Variants in RND3 observed in about 807,000 individuals in gnomAD.
RND3 encodes the protein Rho family GTPase 3.
RND3 carries 8 observed loss-of-function variants against 26.5 expected under a neutral mutation model. The observed-to-expected ratio is 0.30, with a 90% CI of 0.18 to 0.54. RND3 has a LOEUF of 0.54. RND3 is among the 20% of genes least tolerant of loss of function. RND3 has a pLI of 0.94. For synonymous variants in RND3, 113 were observed against 113.0 expected (o/e 1.00, Z 0.00); for missense variants, 207 against 302.8 (o/e 0.68, Z 2.35).
chr2:150,483,054 G>T (rs1686302991), intron 3 of RND3, among the ~76,000 whole-genome samples: 1 of 152,152 alleles, frequency 6.6e-6, no homozygotes, highest in Admixed American at 6.5e-5. Context: ...ATGGAGAAAG[G>T]GAGAAAGGAA....
intron 3 of RND3, among the ~76,000 whole-genome samples, chr2:150,479,825 A>G (rs1686239019): frequency 6.6e-6 from 1 of 152,222 alleles, no homozygotes; most frequent in Non-Finnish European, 1.5e-5. Context: ...AACAAATACC[A>G]TGCCTGCAAA....
chr2:150,479,542 C>T (rs1191938893), intron 3 of RND3, among the ~76,000 whole-genome samples: 1 of 152,164 alleles, frequency 6.6e-6, no homozygotes, highest in African/African-American at 2.4e-5. Flanking sequence ...GAAGAGTAAG[C>T]TAAAGCTATT....
At chr2:150,470,277 CTT>C (rs1686065574) in intron 5 of RND3, 39 bp from the exon 6 acceptor site, 1 of 1,592,380 alleles carries the variant, frequency 6.3e-7, no homozygotes, top group Admixed American at 1.7e-5. Flanking sequence ...AGCAATAAGA[CTT>C]TGGGGGAAAG....
rs151296599 is a variant in RND3 at position 150,474,795 on chromosome 2, T to C, written c.348+80A>G. On this transcript the variant is annotated intron_variant, in intron 4 of 5. Transcript: ENST00000263895. ...GTAAGGCAGGGAATTGATTAGAGTC[T>C]TTGAGCTTCCCAACAAACCCCACGT... 307 of 797,522 alleles carry C rather than the reference T, an allele frequency of 3.8e-4. 2 individuals are homozygous for C. The East Asian group carries it at 7.6e-3, about 20-fold the overall frequency. The allele number at this position is 797,522 out of a possible 1,614,324, so 49.4% of individuals were successfully genotyped here. A position where few individuals can be genotyped will look rare whatever the true frequency, so the allele number is the denominator to read the frequency against.
Position 150,470,343 on chromosome 2 carries a change from T to G in RND3, c.484-105A>C. On this transcript the variant is annotated intron_variant, in intron 5 of 5. Transcript: ENST00000263895. ...TAATAACACATTGCAAAACGTTTGC[T>G]GATATGTTAACTGAATTTTCCAAGT... 2.4e-6 allele frequency: 3 copies of G among 1,258,006 alleles called. No homozygotes were observed. In the African/African-American group the frequency reaches 4.5e-5, roughly 19 times the overall value. The allele number at this position is 1,258,006 out of a possible 1,614,324, so 77.9% of individuals were successfully genotyped here.
chr2:150,470,375 G>GA, intron 5 of RND3, 137 bp from the exon 6 acceptor site: 1 of 905,902 alleles, frequency 1.1e-6, no homozygotes, highest in Admixed American at 2.9e-5. Context: ...AAGTGTCATT[G>GA]CAAAAAAAAA....
intron 3 of RND3, among the ~76,000 whole-genome samples, chr2:150,475,321 TA>T (rs1686146483): frequency 6.6e-6 from 1 of 152,010 alleles, no homozygotes; most frequent in Admixed American, 6.5e-5. Flanking sequence ...CCTCCACCAC[TA>T]AAAAGGGAGG....
intron 3 of RND3, among the ~76,000 whole-genome samples, chr2:150,479,069 T>TG (rs1467818194): frequency 6.6e-6 from 1 of 152,154 alleles, no homozygotes; most frequent in Admixed American, 6.6e-5. Flanking sequence ...AAGGCTTTGC[T>TG]GGGGGTAGAT....
At chr2:150,487,137 G>A in intron 2 of RND3, 131 bp downstream of exon 2, 2 of 768,450 alleles carry the variant, frequency 2.6e-6, no homozygotes, top group Non-Finnish European at 3.9e-6. Flanking sequence ...AAGTAGTAAG[G>A]ACCGAGAAAG....
intron 3 of RND3, among the ~76,000 whole-genome samples, chr2:150,475,599 G>C (rs1273279650): frequency 2.0e-5 from 3 of 152,188 alleles, no homozygotes; most frequent in African/African-American, 7.2e-5. Context: ...ATGAGGGAGA[G>C]AGGAAGAGGA....
intron 4 of RND3, among the ~76,000 whole-genome samples, chr2:150,474,336 C>T (rs1686131521): frequency 1.3e-5 from 2 of 152,290 alleles, no homozygotes; most frequent in South Asian, 4.1e-4. Context: ...TTCCATATTA[C>T]TAGAAAGATA....
intron 3 of RND3, among the ~76,000 whole-genome samples, chr2:150,475,565 A>G (rs1339846535): frequency 1.3e-5 from 2 of 152,210 alleles, no homozygotes; most frequent in African/African-American, 4.8e-5. Flanking sequence ...CTCAAGATCA[A>G]TTCTGACAGC....
chr2:150,486,826 A>G lies in RND3; in HGVS notation c.151-45T>C, dbSNP rs1382258904. ...AAAAGAGGAAGGAAAGAGGGCAAAG[A>G]GGTTACGTTTAAACGCACGACACCC... On this transcript the variant is annotated intron_variant, in intron 2 of 5. Transcript: ENST00000263895. The surrounding 1 kb of genome is among the most constrained non-coding windows in gnomAD (Gnocchi z 4.5). 7.2e-7 allele frequency: 1 copy of G among 1,391,024 alleles called. No individual in the cohort carries two copies. The highest frequency in any genetic ancestry group is 1.2e-5 in the South Asian group (1 of 86,570). The allele number at this position is 1,391,024 out of a possible 1,614,324, so 86.2% of individuals were successfully genotyped here.
At chr2:150,479,884 T>C (rs916646185) in intron 3 of RND3, among the ~76,000 whole-genome samples, 3 of 152,226 alleles carry the variant, frequency 2.0e-5, no homozygotes, top group African/African-American at 7.2e-5. Flanking sequence ...TTCCATGGAT[T>C]CAGGTAATAG....
chr2:150,484,348 C>G (rs1473004261), intron 3 of RND3, among the ~76,000 whole-genome samples: 1 of 152,192 alleles, frequency 6.6e-6, no homozygotes, highest in Non-Finnish European at 1.5e-5. Flanking sequence ...TATGTTCTAG[C>G]CTTTATCAAA....
intron 3 of RND3, among the ~76,000 whole-genome samples, chr2:150,482,681 A>G (rs1686294250): frequency 7.9e-6 from 1 of 127,058 alleles, no homozygotes; most frequent in South Asian, 2.7e-4. Flanking sequence ...TTGACTGGCA[A>G]AATGCCTTTT....
intron 5 of RND3, among the ~76,000 whole-genome samples, chr2:150,470,446 C>A (rs1404063673): frequency 6.6e-6 from 1 of 152,088 alleles, no homozygotes; most frequent in Admixed American, 6.6e-5. Flanking sequence ...GTCCAGAGCC[C>A]ATCCCTAAGA....
Position 150,487,474 on chromosome 2 carries a change from A to AAAT in RND3, c.-38-20_-38-19insATT. On this transcript the variant is annotated intron_variant, in intron 1 of 5. Transcript: ENST00000263895. ...ATTTTCTCTTAAGAAGAAAAAAAAA[A>AAAT]ATATATATATATATATATATTTCTC... 1,050 of 200,624 alleles carry AAAT rather than the reference A, an allele frequency of 5.2e-3. 13 individuals carry two copies. Among genetic ancestry groups the AAAT allele is most frequent in the African/African-American group, 0.025 (930 of 36,634 alleles). 12.4% of individuals were successfully genotyped at this position (200,624 alleles called of 1,614,324 possible). A position where few individuals can be genotyped will look rare whatever the true frequency, so the allele number is the denominator to read the frequency against.
intron 3 of RND3, among the ~76,000 whole-genome samples, chr2:150,482,007 A>G (rs1190749876): frequency 1.3e-5 from 2 of 152,228 alleles, no homozygotes; most frequent in African/African-American, 4.8e-5. Context: ...GAAATAAAGG[A>G]TACCACCTTA....
Sources: allele counts gnomAD v4.1 joint callset (sites outside exome capture counted in the v4.1 genomes callset), GRCh38; gene constraint gnomAD v4.1.1; non-coding constraint Gnocchi (gnomAD v3.1); transcripts MANE v1.5; gene names NCBI Gene and HGNC (gene_info 2026-07-23, HGNC 2026-07-21).